Variants in CSNK1G1 observed in about 807,000 individuals in gnomAD.
CSNK1G1 encodes the protein casein kinase 1 gamma 1.
Under a neutral mutation model 59.6 loss-of-function variants are expected in CSNK1G1, and 22 were observed. That is an observed-to-expected ratio of 0.37 (90% CI 0.26 to 0.53). The LOEUF is 0.53. CSNK1G1 is among the 20% of genes least tolerant of loss of function. CSNK1G1 has a pLI of 0.89. For synonymous variants in CSNK1G1, 179 were observed against 177.1 expected, an observed-to-expected ratio of 1.01 and a Z score of -0.08; for missense variants, 384 against 519.5, an observed-to-expected ratio of 0.74 and a Z score of 2.54.
chr15:64,180,475 T>C lies in CSNK1G1; in HGVS notation c.1108-21A>G, dbSNP rs767987147. The C allele has an allele frequency of 5.7e-6, 9 of 1,580,876 alleles. No homozygotes were observed. In the African/African-American group the frequency reaches 1.2e-4, roughly 21 times the overall value. ...ACCACCTGAAACAGAAAGACAGAAG[T>C]GTGTGACAGGCACCATGGCAACAGA... On this transcript the variant is annotated intron_variant, in intron 10 of 11. Coordinates refer to ENST00000303052, the MANE Select transcript of CSNK1G1 (RefSeq NM_022048.5).
At chr15:64,204,790 T>A in intron 8 of CSNK1G1, 75 bp downstream of exon 8, 1 of 1,161,520 alleles carries the variant, frequency 8.6e-7, no homozygotes, top group Non-Finnish European at 1.3e-6. Flanking sequence ...AGCACCCCTA[T>A]CTAGAGATAC....
At chr15:64,320,158 C>G (rs1455324765) in intron 1 of CSNK1G1, among the ~76,000 whole-genome samples, 1 of 151,860 alleles carries the variant, frequency 6.6e-6, no homozygotes, top group Admixed American at 6.6e-5. Context: ...TCCCTAAGTG[C>G]TGGGATTACA....
rs532663571 is a variant in CSNK1G1, at chr15:64,236,142, CAAAAAAAAAAAA to C, written c.292+15358_292+15369del. 9.2e-3 allele frequency among the ~76,000 whole-genome samples: 626 copies of C among 68,038 alleles called. 4 individuals are homozygous for C. The highest frequency in any genetic ancestry group is 9.8e-3 in the Non-Finnish European group (290 of 29,654). The allele number at this position is 68,038 out of a possible 152,430, so 44.6% of individuals were successfully genotyped here. A position where few individuals can be genotyped will look rare whatever the true frequency, so the allele number is the denominator to read the frequency against. ...TGGGCGACAGAGTGAGACTCCATCT[CAAAAAAAAAAAA>C]AAAAAAAGAAAAGAAAAGAAAAGAA... On this transcript the variant is annotated intron_variant, in intron 4 of 11. Transcript: ENST00000303052.
intron 2 of CSNK1G1, among the ~76,000 whole-genome samples, chr15:64,277,629 AT>A (rs1893741110): frequency 7.3e-6 from 1 of 136,584 alleles, no homozygotes; most frequent in South Asian, 2.3e-4. Flanking sequence ...TATTTAATAT[AT>A]TAATATTAAT....
chr15:64,235,809 T>C (rs2082606475), intron 4 of CSNK1G1, among the ~76,000 whole-genome samples: 1 of 152,216 alleles, frequency 6.6e-6, no homozygotes, highest in South Asian at 2.1e-4. Flanking sequence ...TGTATATATT[T>C]ATTTTCTGTA....
At chr15:64,355,395 G>C (rs1483818253) in intron 1 of CSNK1G1, among the ~76,000 whole-genome samples, 1 of 152,148 alleles carries the variant, frequency 6.6e-6, no homozygotes, top group Non-Finnish European at 1.5e-5. Context: ...TGCCCACTTG[G>C]GGGACATTGC....
chr15:64,224,099 T>A (rs1289465922), intron 4 of CSNK1G1, among the ~76,000 whole-genome samples: 2 of 152,228 alleles, frequency 1.3e-5, no homozygotes, highest in African/African-American at 2.4e-5. Context: ...CATTCTTTTT[T>A]AAAAACTAAA....
intron 10 of CSNK1G1, among the ~76,000 whole-genome samples, chr15:64,202,264 G>A (rs993540104): frequency 3.9e-5 from 6 of 152,162 alleles, no homozygotes; most frequent in African/African-American, 1.4e-4. Flanking sequence ...CAAGTCAGTT[G>A]GAAGTCCAAA....
At chr15:64,196,327 T>C (rs1163718257) in intron 10 of CSNK1G1, among the ~76,000 whole-genome samples, 1 of 152,160 alleles carries the variant, frequency 6.6e-6, no homozygotes, top group African/African-American at 2.4e-5. Context: ...TATTATTGTA[T>C]ATAGATAAAC....
At chr15:64,339,010 T>TC (rs1897549464) in intron 1 of CSNK1G1, among the ~76,000 whole-genome samples, 1 of 151,004 alleles carries the variant, frequency 6.6e-6, no homozygotes, top group Non-Finnish European at 1.5e-5. Context: ...AGAGCGAAAC[T>TC]CCATCTCAAA....
rs1440741585 is a variant in CSNK1G1, at chr15:64,275,329, C to T, written c.182-16088G>A. Reference sequence around the variant, plus strand: ...GCTGGGAGGCATGAGCCATCTTGCCCGGCCCAAAGAGCATCTCTTTAAGTG... The same window carrying T: ...GCTGGGAGGCATGAGCCATCTTGCCTGGCCCAAAGAGCATCTCTTTAAGTG... On this transcript the variant is annotated intron_variant, in intron 2 of 11. Transcript: ENST00000303052. 2.6e-5 allele frequency among the ~76,000 whole-genome samples: 4 copies of T among 152,196 alleles called. No homozygotes were observed. The East Asian group carries it at 5.8e-4, about 22-fold the overall frequency.
intron 9 of CSNK1G1, among the ~76,000 whole-genome samples, chr15:64,203,517 G>A (rs918344900): frequency 2.0e-5 from 3 of 151,756 alleles, no homozygotes; most frequent in Non-Finnish European, 4.4e-5. Flanking sequence ...GAGCAACATG[G>A]AGAAATCCCA....
intron 5 of CSNK1G1, among the ~76,000 whole-genome samples, chr15:64,215,204 CTTTTTTTTTTTT>C (rs11343127): frequency 1.2e-5 from 1 of 81,728 alleles, no homozygotes; most frequent in Non-Finnish European, 2.1e-5. Context: ...TTTCTACTAA[CTTTTTTTTTTTT>C]TTTTTTTTTT....
At chr15:64,180,036 A>G (rs906877171) in intron 11 of CSNK1G1, 3 of 277,618 alleles carry the variant, frequency 1.1e-5, no homozygotes, top group Admixed American at 4.4e-5. Flanking sequence ...TATATCCCAT[A>G]TAGAGCAAGA....
chr15:64,206,311 G>A (rs918186204), intron 7 of CSNK1G1, among the ~76,000 whole-genome samples: 7 of 152,228 alleles, frequency 4.6e-5, no homozygotes, highest in East Asian at 1.9e-4. Flanking sequence ...GTGGTGGCGT[G>A]TGCCTGTAGT....
intron 2 of CSNK1G1, among the ~76,000 whole-genome samples, chr15:64,278,807 G>T (rs1893954960): frequency 1.3e-5 from 2 of 152,188 alleles, no homozygotes; most frequent in African/African-American, 4.8e-5. Context: ...GAACTTCATA[G>T]ATCCCACTGA....
chr15:64,180,800 T>C (rs2081803541), intron 10 of CSNK1G1, among the ~76,000 whole-genome samples: 1 of 152,250 alleles, frequency 6.6e-6, no homozygotes, highest in African/African-American at 2.4e-5. Flanking sequence ...TTAATATCTG[T>C]GAATTTCCAT....
At chr15:64,313,951 C>T (rs1026533836) in intron 1 of CSNK1G1, among the ~76,000 whole-genome samples, 5 of 151,594 alleles carry the variant, frequency 3.3e-5, no homozygotes, top group African/African-American at 1.2e-4. Flanking sequence ...GAGGATATAA[C>T]AGTGAACTTG....
intron 11 of CSNK1G1, chr15:64,180,101 T>A (rs887257035): frequency 4.3e-6 from 2 of 469,962 alleles, no homozygotes; most frequent in Non-Finnish European, 7.8e-6. Flanking sequence ...CCTGATAACA[T>A]GATTCTTTCG....
Sources: allele counts gnomAD v4.1 joint callset (sites outside exome capture counted in the v4.1 genomes callset), GRCh38; gene constraint gnomAD v4.1.1; transcripts MANE v1.5; gene names NCBI Gene and HGNC (gene_info 2026-07-23, HGNC 2026-07-21).